Variants in CMSS1 observed in about 807,000 individuals in gnomAD.
CMSS1 encodes protein CMSS1.
A neutral mutation model predicts 43.5 loss-of-function variants in CMSS1; 33 were observed. That is an observed-to-expected ratio of 0.76 (90% CI 0.57 to 1.01). The LOEUF (loss-of-function observed/expected upper bound fraction) is 1.01. CMSS1 is among the 50% of genes least tolerant of loss of function. The pLI is 0.00. For synonymous variants in CMSS1, 115 were observed against 117.2 expected, an observed-to-expected ratio of 0.98 and a Z score of 0.12; for missense variants, 313 against 326.4, an observed-to-expected ratio of 0.96 and a Z score of 0.32.
At chr3:99,861,869 G>A (rs1232979848) in intron 1 of CMSS1, among the ~76,000 whole-genome samples, 1 of 152,146 alleles carries the variant, frequency 6.6e-6, no homozygotes, top group Non-Finnish European at 1.5e-5. Context: ...TCTGTCTAGT[G>A]TGACTTGAGC....
intron 1 of CMSS1, among the ~76,000 whole-genome samples, chr3:99,859,087 T>C (rs1459412354): frequency 6.6e-6 from 1 of 152,256 alleles, no homozygotes; most frequent in Admixed American, 6.5e-5. Flanking sequence ...TCATAAGACA[T>C]TGTGTTTTGT....
At position 99,889,489 on chromosome 3, in the gene CMSS1, G is replaced by A. The variant is rs568270376; in HGVS notation, c.64+71446G>A. 4.1e-3 allele frequency among the ~76,000 whole-genome samples: 627 copies of A among 151,854 alleles called. 7 individuals carry two copies. Among genetic ancestry groups the A allele is most frequent in the African/African-American group, 0.013 (552 of 41,440 alleles). On this transcript the variant is annotated intron_variant, in intron 1 of 9. Transcript: ENST00000421999. ...TTCTGGTGAGTCTCATATAAATAAC[G>A]TATAGCTAGGAATTATAATTGTTAA... is the stretch of plus-strand genomic sequence containing the variant.
intron 1 of CMSS1, among the ~76,000 whole-genome samples, chr3:99,987,537 A>G (rs1231345834): frequency 6.6e-6 from 1 of 151,702 alleles, no homozygotes; most frequent in Non-Finnish European, 1.5e-5. Flanking sequence ...TCAAAAAAAA[A>G]AAAAAAAAAG....
intron 1 of CMSS1, among the ~76,000 whole-genome samples, chr3:99,891,115 A>T (rs74774083): frequency 6.6e-6 from 1 of 151,154 alleles, no homozygotes; most frequent in African/African-American, 2.4e-5. Context: ...CGTGTGGGCT[A>T]GCTTGTTAGT....
At chr3:99,983,502 ATATATATG>A (rs1328190251) in intron 1 of CMSS1, among the ~76,000 whole-genome samples, 9 of 112,982 alleles carry the variant, frequency 8.0e-5, no homozygotes, top group African/African-American at 2.9e-4. Flanking sequence ...ATATATATAT[ATATATATG>A]TATATATATA....
chr3:100,167,331 T>G (rs1456549132), intron 5 of CMSS1, among the ~76,000 whole-genome samples: 1 of 152,374 alleles, frequency 6.6e-6, no homozygotes, highest in Admixed American at 6.5e-5. Flanking sequence ...TTAGTAAATG[T>G]TTGCTGTTTT....
At chr3:99,864,160 A>G (rs1001878917) in intron 1 of CMSS1, among the ~76,000 whole-genome samples, 2 of 152,214 alleles carry the variant, frequency 1.3e-5, no homozygotes, top group Non-Finnish European at 2.9e-5. Context: ...ACTTATAACA[A>G]CAGCTTGAGT....
At chr3:100,047,126 G>A (rs527660386) in intron 1 of CMSS1, among the ~76,000 whole-genome samples, 14 of 152,176 alleles carry the variant, frequency 9.2e-5, no homozygotes, top group Non-Finnish European at 1.9e-4. Flanking sequence ...TTTCCTTGTT[G>A]GTAAAATGGG....
intron 1 of CMSS1, chr3:99,849,221 C>A (rs746496393): frequency 6.2e-7 from 1 of 1,614,106 alleles, no homozygotes. Flanking sequence ...ACTGCACGTT[C>A]CAGAGGAATG....
chr3:99,896,642 A>G (rs1706264427), intron 1 of CMSS1, among the ~76,000 whole-genome samples: 1 of 152,202 alleles, frequency 6.6e-6, no homozygotes, highest in African/African-American at 2.4e-5. Context: ...CAGGCACCAA[A>G]TTACTATCTT....
chr3:100,076,608 T>C (rs1356893143), intron 1 of CMSS1, among the ~76,000 whole-genome samples: 1 of 152,226 alleles, frequency 6.6e-6, no homozygotes, highest in Non-Finnish European at 1.5e-5. Flanking sequence ...TTTTCCTGGA[T>C]ACTTGTACTT....
intron 1 of CMSS1, among the ~76,000 whole-genome samples, chr3:99,945,176 T>G (rs1403069156): frequency 6.6e-6 from 1 of 152,202 alleles, no homozygotes; most frequent in African/African-American, 2.4e-5. Context: ...TCGGGTTAAG[T>G]CCTGGGTTCT....
chr3:100,055,386 C>T (rs1419988386), intron 1 of CMSS1, among the ~76,000 whole-genome samples: 3 of 152,158 alleles, frequency 2.0e-5, no homozygotes, highest in East Asian at 1.9e-4. Flanking sequence ...GTATGATCCA[C>T]GTGGCCATAT....
chr3:100,151,579 A>G (rs942245236), intron 2 of CMSS1, among the ~76,000 whole-genome samples: 1 of 152,194 alleles, frequency 6.6e-6, no homozygotes, highest in African/African-American at 2.4e-5. Flanking sequence ...CAGAAACCAC[A>G]ATCTTTTTAT....
chr3:100,063,344 C>T (rs1174859196), intron 1 of CMSS1, among the ~76,000 whole-genome samples: 1 of 152,004 alleles, frequency 6.6e-6, no homozygotes, highest in Non-Finnish European at 1.5e-5. Context: ...TGATCTCAAC[C>T]AACCATTAAA....
intron 1 of CMSS1, among the ~76,000 whole-genome samples, chr3:99,920,148 TC>T (rs1707079983): frequency 6.6e-6 from 1 of 152,212 alleles, no homozygotes; most frequent in African/African-American, 2.4e-5. Context: ...AATATTTCTT[TC>T]CTGCTTTAGT....
chr3:99,922,779 T>C (rs576598377), intron 1 of CMSS1, among the ~76,000 whole-genome samples: 1 of 152,346 alleles, frequency 6.6e-6, no homozygotes, highest in Admixed American at 6.5e-5. Flanking sequence ...ACCCTACATA[T>C]GGTTAGAAAA....
chr3:100,091,736 G>C (rs1576047177), intron 1 of CMSS1, among the ~76,000 whole-genome samples: 1 of 152,192 alleles, frequency 6.6e-6, no homozygotes, highest in East Asian at 1.9e-4. Flanking sequence ...TTTTCTACCA[G>C]TATCATTAGT....
intron 1 of CMSS1, among the ~76,000 whole-genome samples, chr3:99,972,079 T>C (rs1708839267): frequency 1.3e-5 from 2 of 152,206 alleles, no homozygotes; most frequent in South Asian, 2.1e-4. Flanking sequence ...ACGAATATTA[T>C]TGAGAGGAAC....
Sources: allele counts gnomAD v4.1 joint callset (sites outside exome capture counted in the v4.1 genomes callset), GRCh38; gene constraint gnomAD v4.1.1; transcripts MANE v1.5; gene names NCBI Gene and HGNC (gene_info 2026-07-23, HGNC 2026-07-21).